Variants in PLSCR2 observed in about 807,000 individuals in gnomAD.
The protein encoded by PLSCR2 is PL scramblase 2.
In PLSCR2, 18 loss-of-function variants were observed where a neutral mutation model predicts 25.3. That is an observed-to-expected ratio of 0.71 (90% CI 0.49 to 1.06). The LOEUF (loss-of-function observed/expected upper bound fraction) is 1.06, where lower values mean the gene tolerates loss of function less well. Ranked by LOEUF, PLSCR2 falls within the 50% of genes least tolerant of loss-of-function variation. The probability of loss-of-function intolerance (pLI) is 0.00; values close to 1 mark genes in which losing one functional copy is unlikely to be tolerated. For missense variants in PLSCR2, 243 were observed against 269.5 expected (o/e 0.90, Z 0.69); for synonymous variants, 88 against 87.3 (o/e 1.01, Z -0.04).
At chr3:146,430,815 C>T (rs367692387), downstream of PLSCR2, among the ~76,000 whole-genome samples, 31 of 149,584 alleles carry the variant, frequency 2.1e-4, no homozygotes, top group East Asian at 1.2e-3. Flanking sequence ...TAGCCTTGTT[C>T]TTTCCCTCCC....
At chr3:146,444,316 T>C (rs1158241689) in intron 6 of PLSCR2, among the ~76,000 whole-genome samples, 1 of 152,044 alleles carries the variant, frequency 6.6e-6, no homozygotes, top group Non-Finnish European at 1.5e-5. Flanking sequence ...TGTTTTTTTG[T>C]TGATTTTCTG....
At chr3:146,444,449 T>C (rs760451024) in intron 6 of PLSCR2, among the ~76,000 whole-genome samples, 12 of 151,972 alleles carry the variant, frequency 7.9e-5, no homozygotes, top group Non-Finnish European at 1.8e-4. Flanking sequence ...TGCTCCAGTA[T>C]TGGGTGCATA....
chr3:146,407,160 G>A (rs770599757), intron 2 of PLSCR2, among the ~76,000 whole-genome samples: 4 of 152,090 alleles, frequency 2.6e-5, no homozygotes, highest in Non-Finnish European at 5.9e-5. Context: ...CGGTTTATGC[G>A]TTCTACCTAC....
At chr3:146,404,994 C>T (rs1296476994) in intron 2 of PLSCR2, among the ~76,000 whole-genome samples, 1 of 152,080 alleles carries the variant, frequency 6.6e-6, no homozygotes, top group Non-Finnish European at 1.5e-5. Flanking sequence ...ATCCCTGTGG[C>T]TTTACTGGTT....
At chr3:146,462,635 T>G (rs778440436), upstream of PLSCR2, among the ~76,000 whole-genome samples, 29 of 151,634 alleles carry the variant, frequency 1.9e-4, no homozygotes, top group Non-Finnish European at 3.2e-4. Context: ...CCAGCTAATT[T>G]TTGTATTTTT....
intron 6 of PLSCR2, among the ~76,000 whole-genome samples, chr3:146,446,778 G>A (rs922444854): frequency 1.3e-5 from 2 of 152,116 alleles, no homozygotes; most frequent in Non-Finnish European, 2.9e-5. Flanking sequence ...TAGGTCCAGA[G>A]ATACTGTCCA....
intron 1 of PLSCR2, among the ~76,000 whole-genome samples, chr3:146,485,578 G>T (rs1001724938): frequency 6.6e-6 from 1 of 151,936 alleles, no homozygotes; most frequent in Non-Finnish European, 1.5e-5. Flanking sequence ...AAATGCAAAA[G>T]AACTAAAATC....
rs181483347 is a variant in PLSCR2, at chr3:146,489,795, C to T, written c.-293+6100G>A. Among the ~76,000 whole-genome samples, 6 of 152,188 alleles carry T rather than the reference C, an allele frequency of 3.9e-5. No individual in the cohort carries two copies. The East Asian group carries it at 9.6e-4, about 24-fold the overall frequency. On this transcript the variant is annotated intron_variant, in intron 1 of 8. Transcript: ENST00000336685. ...ACCCAGATGGTGTGGAATAATCTCC[C>T]ATCTAGAGATCCTTCAATTAGTCAT...
At position 146,455,411 on chromosome 3, in the gene PLSCR2, A is replaced by G. The variant is rs150157125; in HGVS notation, c.149T>C (p.Phe50Ser). ...TGCTGCAAAATAAATCCTCTGCCCAAAGCTGTTCTTGATTTCATACATGTT... is the reference window on the plus strand; with the variant it reads ...TGCTGCAAAATAAATCCTCTGCCCAGAGCTGTTCTTGATTTCATACATGTT... The change falls in exon 4 of 7, where the codon TTT (phenylalanine) becomes TCT (serine). Residue 50 changes from phenylalanine (F) to serine (S), a missense_variant. Coordinates refer to ENST00000610787, the Ensembl canonical transcript of PLSCR2. 77 of 1,613,418 alleles carry G rather than the reference A, an allele frequency of 4.8e-5. No individual in the cohort carries two copies. Among genetic ancestry groups the G allele is most frequent in the Non-Finnish European group, 6.5e-5 (77 of 1,179,556 alleles).
chr3:146,456,315 G>A (rs1259464102), intron 3 of PLSCR2, among the ~76,000 whole-genome samples: 2 of 152,014 alleles, frequency 1.3e-5, no homozygotes, highest in Non-Finnish European at 2.9e-5. Context: ...ATCCACAGAA[G>A]GACATCATAC....
At chr3:146,452,863 C>T (rs1274133987) in intron 5 of PLSCR2, among the ~76,000 whole-genome samples, 4 of 151,850 alleles carry the variant, frequency 2.6e-5, no homozygotes, top group Admixed American at 6.6e-5. Context: ...AGTTCCTATA[C>T]ATACATATTA....
chr3:146,477,551 G>A (rs2042331184), intron 1 of PLSCR2, among the ~76,000 whole-genome samples: 1 of 152,254 alleles, frequency 6.6e-6, no homozygotes. Context: ...AGCCATTGCT[G>A]AGGCTTGACT....
At chr3:146,487,820 C>T (rs532027918) in intron 1 of PLSCR2, among the ~76,000 whole-genome samples, 2 of 152,144 alleles carry the variant, frequency 1.3e-5, no homozygotes, top group African/African-American at 4.8e-5. Context: ...AGAAAAAAAA[C>T]TGCTTTAAAT....
At chr3:146,486,391 T>TTTG (rs1560058356) in intron 1 of PLSCR2, among the ~76,000 whole-genome samples, 3 of 151,076 alleles carry the variant, frequency 2.0e-5, no homozygotes, top group Non-Finnish European at 2.9e-5. Context: ...GCTTTTTTTT[T>TTTG]TTGAAAATAT....
chr3:146,440,219 G>T (rs577962518), downstream of PLSCR2, among the ~76,000 whole-genome samples: 10 of 152,326 alleles, frequency 6.6e-5, 1 homozygote, highest in South Asian at 2.1e-3. Context: ...CTACGCAGGG[G>T]TCAGGGACCT....
intron 2 of PLSCR2, among the ~76,000 whole-genome samples, chr3:146,400,241 C>G (rs890759582): frequency 6.6e-6 from 1 of 151,492 alleles, no homozygotes; most frequent in Non-Finnish European, 1.5e-5. Flanking sequence ...TTTAGGAAAT[C>G]TACAAAAAAG....
chr3:146,393,568 T>C (rs1437974951), intron 3 of PLSCR2, among the ~76,000 whole-genome samples: 1 of 151,554 alleles, frequency 6.6e-6, no homozygotes, highest in African/African-American at 2.4e-5. Flanking sequence ...CCCAGCACTT[T>C]GGGAGGCCGA....
chr3:146,435,319 T>C (rs1464009634), intron 8 of PLSCR2, among the ~76,000 whole-genome samples: 1 of 152,226 alleles, frequency 6.6e-6, no homozygotes, highest in African/African-American at 2.4e-5. Flanking sequence ...ATGGTATTTC[T>C]AGTTCTAGAT....
At chr3:146,455,542 T>C (rs1434447624) in intron 3 of PLSCR2, 83 bp from the exon 4 acceptor site, 2 of 805,474 alleles carry the variant, frequency 2.5e-6, no homozygotes, top group Non-Finnish European at 4.1e-6. Flanking sequence ...TAGTTTTAGA[T>C]GATGCTCCAA....
Sources: gnomAD v4.1 joint callset for allele counts (sites outside exome capture counted in the v4.1 genomes callset) on GRCh38, gnomAD v4.1.1 for gene constraint, MANE v1.5 for transcripts, NCBI Gene and HGNC (gene_info 2026-07-23, HGNC 2026-07-21) for gene names.